The following CDC25A variants were observed in gnomAD, a reference collection of about 807,000 sequenced individuals.
CDC25A encodes the protein cell division cycle 25A, also known as M-phase inducer phosphatase 1.
CDC25A carries 17 observed loss-of-function variants against 64.6 expected under a neutral mutation model. That is an observed-to-expected ratio of 0.26 (90% CI 0.18 to 0.39). The LOEUF (loss-of-function observed/expected upper bound fraction) is 0.39. Ranked by LOEUF, CDC25A falls within the 10% of genes least tolerant of loss-of-function variation. The pLI, the probability that CDC25A is intolerant of heterozygous loss-of-function variation, is 1.00. For missense variants in CDC25A, 473 were observed against 654.8 expected, an observed-to-expected ratio of 0.72 and a Z score of 3.03; for synonymous variants, 229 against 238.6, an observed-to-expected ratio of 0.96 and a Z score of 0.37.
chr3:48,163,827 G>A (rs1027182674), intron 13 of CDC25A, among the ~76,000 whole-genome samples: 3 of 152,070 alleles, frequency 2.0e-5, no homozygotes, highest in African/African-American at 7.2e-5. Flanking sequence ...GCTCGCTGTG[G>A]TATTTTTACT....
rs2031619624 is a variant in CDC25A at position 48,158,576 on chromosome 3, C to G, written c.*369G>C. On this transcript the variant is annotated 3_prime_UTR_variant, in exon 15 of 15. Coordinates refer to ENST00000302506, the MANE Select transcript of CDC25A (RefSeq NM_001789.3). ...CAGGTTGTCTTTGCTATTTGGCCAGCAGCATTTCTGTGTAACTTCTCTACT... is the reference window on the plus strand; with the variant it reads ...CAGGTTGTCTTTGCTATTTGGCCAGGAGCATTTCTGTGTAACTTCTCTACT... The G allele has an allele frequency of 5.6e-6, 1 of 178,510 alleles. No individual in the cohort carries two copies. Among genetic ancestry groups the G allele is most frequent in the Non-Finnish European group, 1.2e-5 (1 of 85,166 alleles). 11.1% of individuals were successfully genotyped at this position (178,510 alleles called of 1,614,324 possible).
At chr3:48,168,369 C>G (rs2032127727) in intron 9 of CDC25A, among the ~76,000 whole-genome samples, 1 of 137,202 alleles carries the variant, frequency 7.3e-6, no homozygotes, top group Non-Finnish European at 1.5e-5. Flanking sequence ...TCCACACACA[C>G]ACACACACAC....
At position 48,187,975 on chromosome 3, in the gene CDC25A, G is replaced by T. The variant is rs1233365614; in HGVS notation, c.-28C>A. On this transcript the variant is annotated 5_prime_UTR_variant, in exon 1 of 15. Transcript: ENST00000302506. ...CGGCGCCCGGCCTCGCAGAGCTCCC[G>T]CTCCCTCTTCCTCTGCCTCCGCCGC... The T allele has an allele frequency of 7.0e-7, 1 of 1,431,804 alleles. No homozygotes were observed. Among genetic ancestry groups the T allele is most frequent in the East Asian group, 2.9e-5 (1 of 33,928 alleles). 88.7% of individuals were successfully genotyped at this position (1,431,804 alleles called of 1,614,324 possible). A position where few individuals can be genotyped will look rare whatever the true frequency, so the allele number is the denominator to read the frequency against.
chr3:48,173,235 CT>C (rs2032335137), intron 9 of CDC25A, among the ~76,000 whole-genome samples: 1 of 151,114 alleles, frequency 6.6e-6, no homozygotes, highest in Non-Finnish European at 1.5e-5. Flanking sequence ...AAAGACAGAC[CT>C]TTATAAAAAT....
intron 9 of CDC25A, among the ~76,000 whole-genome samples, chr3:48,171,570 A>G (rs1222842123): frequency 1.3e-5 from 2 of 151,542 alleles, no homozygotes; most frequent in Non-Finnish European, 2.9e-5. Context: ...CAGTAGAGAC[A>G]GGGTTTCACC....
intron 1 of CDC25A, among the ~76,000 whole-genome samples, chr3:48,187,574 C>G (rs1248559805): frequency 6.6e-6 from 1 of 152,260 alleles, no homozygotes; most frequent in Admixed American, 6.5e-5. Context: ...TCCACCTCTT[C>G]CCCTGGAAGG....
At chr3:48,175,939 T>C (rs1174871740) in intron 8 of CDC25A, among the ~76,000 whole-genome samples, 1 of 152,106 alleles carries the variant, frequency 6.6e-6, no homozygotes, top group Non-Finnish European at 1.5e-5. Context: ...GGCAGGTGGA[T>C]GGATCACCTG....
chr3:48,182,798 T>C, intron 5 of CDC25A, 131 bp downstream of exon 5: 2 of 627,972 alleles, frequency 3.2e-6, no homozygotes, highest in South Asian at 4.2e-5. Context: ...AAACCCAGAA[T>C]TCTCTGACTC....
At chr3:48,177,523 T>C (rs539244458) in intron 7 of CDC25A, 81 bp from the exon 8 acceptor site, 2 of 1,044,128 alleles carry the variant, frequency 1.9e-6, no homozygotes, top group Non-Finnish European at 3.0e-6. Flanking sequence ...TGTTTCTCCC[T>C]GAACAATACC....
intron 8 of CDC25A, 106 bp from the exon 9 acceptor site, chr3:48,174,563 T>A: frequency 1.8e-6 from 2 of 1,121,978 alleles, no homozygotes; most frequent in Non-Finnish European, 2.5e-6. Flanking sequence ...AGATCAATTC[T>A]AAATTAGCCA....
At chr3:48,163,862 T>A (rs1378613930) in intron 13 of CDC25A, among the ~76,000 whole-genome samples, 1 of 152,186 alleles carries the variant, frequency 6.6e-6, no homozygotes, top group African/African-American at 2.4e-5. Flanking sequence ...TGTAGTTACA[T>A]TTTTATTGTC....
rs2031575548 is a variant in CDC25A, at chr3:48,157,687, T to C, written c.*1258A>G. ...TAGATAAGGGGACAACCGGTGATGATTCATCACTCCCTGTCTCTAAAATTA... is the reference window on the plus strand; with the variant it reads ...TAGATAAGGGGACAACCGGTGATGACTCATCACTCCCTGTCTCTAAAATTA... On this transcript the variant is annotated 3_prime_UTR_variant, in exon 15 of 15. Transcript: ENST00000302506. 6.6e-6 allele frequency: 1 copy of C among 152,516 alleles called. No individual in the cohort carries two copies. The highest frequency in any genetic ancestry group is 1.5e-5 in the Non-Finnish European group (1 of 68,010). 9.4% of individuals were successfully genotyped at this position (152,516 alleles called of 1,614,324 possible).
At position 48,174,336 on chromosome 3, in the gene CDC25A, C is replaced by T; in HGVS notation, c.878G>A (p.Ser293Asn). 6.2e-7 allele frequency: 1 copy of T among 1,614,280 alleles called. No individual in the cohort carries two copies. Residue 293 changes from serine to asparagine, a missense_variant, in exon 9 of 15, where the codon AGC (serine) becomes AAC (asparagine). Transcript: ENST00000302506. ...CTCTTTGGGGCTGGCCCCAGACATG[C>T]TCTTCCTCCTCTTTGTACTTCCAGG... ...SPPGSTKRRK[S>N]MSGASPKEST...
intron 8 of CDC25A, 108 bp downstream of exon 8, chr3:48,177,263 C>A (rs1194207501): frequency 5.8e-6 from 5 of 863,176 alleles, no homozygotes; most frequent in African/African-American, 1.7e-5. Context: ...AACCCAGATC[C>A]CCAAATCCTA....
intron 13 of CDC25A, among the ~76,000 whole-genome samples, chr3:48,163,298 A>AAAAAAG: frequency 6.7e-6 from 1 of 148,238 alleles, no homozygotes; most frequent in Middle Eastern, 3.5e-3. Flanking sequence ...AAAAAAAAAA[A>AAAAAAG]AAAGAAAGAA....
At chr3:48,175,843 T>C (rs1382112767) in intron 8 of CDC25A, among the ~76,000 whole-genome samples, 1 of 152,232 alleles carries the variant, frequency 6.6e-6, no homozygotes, top group Non-Finnish European at 1.5e-5. Context: ...GCTATGCACA[T>C]GAATGTACTA....
chr3:48,166,221 T>A (rs1468998993), intron 10 of CDC25A, among the ~76,000 whole-genome samples: 1 of 152,170 alleles, frequency 6.6e-6, no homozygotes, highest in Non-Finnish European at 1.5e-5. Flanking sequence ...AGGCGGAGGT[T>A]GCAGTGAGCT....
chr3:48,182,744 AAG>A (rs2032711612), intron 5 of CDC25A, among the ~76,000 whole-genome samples, 183 bp downstream of exon 5: 1 of 152,236 alleles, frequency 6.6e-6, no homozygotes, highest in Non-Finnish European at 1.5e-5. Context: ...AAAGATTAAA[AAG>A]AGAAGAATTT....
Position 48,184,726 on chromosome 3 carries a change from T to C in CDC25A, c.248-31A>G, listed in dbSNP as rs369771106. ...GGGAAAAAAAAAACCTCTCAAGAAATAATACAAAAAACACCATTTTGTCAT... is the reference window on the plus strand; with the variant it reads ...GGGAAAAAAAAAACCTCTCAAGAAACAATACAAAAAACACCATTTTGTCAT... On this transcript the variant is annotated intron_variant, in intron 2 of 14. Coordinates refer to ENST00000302506, the MANE Select transcript of CDC25A (RefSeq NM_001789.3). 2.6e-6 allele frequency: 4 copies of C among 1,528,882 alleles called. No homozygotes were observed. The African/African-American group carries it at 4.2e-5, about 16-fold the overall frequency. The allele number at this position is 1,528,882 out of a possible 1,614,324, so 94.7% of individuals were successfully genotyped here.
Sources: allele counts gnomAD v4.1 joint callset (sites outside exome capture counted in the v4.1 genomes callset), GRCh38; gene constraint gnomAD v4.1.1; transcripts MANE v1.5; gene names NCBI Gene and HGNC (gene_info 2026-07-23, HGNC 2026-07-21).